PDE12: variants seen among roughly 807,000 people sequenced by gnomAD.
PDE12 encodes phosphodiesterase 12, also known as 2',5'-phosphodiesterase 12.
In PDE12, 26 loss-of-function variants were observed where a neutral mutation model predicts 45.4. That is an observed-to-expected ratio of 0.57 (90% CI 0.42 to 0.79). The LOEUF is 0.79. Ranked by LOEUF, PDE12 falls within the 30% of genes least tolerant of loss-of-function variation. PDE12 has a pLI of 0.00. For synonymous variants in PDE12, 283 were observed against 323.9 expected, an observed-to-expected ratio of 0.87 and a Z score of 1.36; for missense variants, 668 against 790.0, an observed-to-expected ratio of 0.85 and a Z score of 1.85.
chr3:57,655,296 G>A, the PDE12 span, among the ~76,000 whole-genome samples: 1 of 152,204 alleles, frequency 6.6e-6, no homozygotes, highest in Non-Finnish European at 1.5e-5. Context: ...GCCTCCCAAA[G>A]TGCTGGGATT....
chr3:57,614,944 G>A, the PDE12 span, among the ~76,000 whole-genome samples: 1 of 150,988 alleles, frequency 6.6e-6, no homozygotes, highest in African/African-American at 2.4e-5. Flanking sequence ...AGTGAGCCGA[G>A]ATCGTGCCAC....
chr3:57,614,524 T>TG, the PDE12 span, among the ~76,000 whole-genome samples: 23 of 95,988 alleles, frequency 2.4e-4, no homozygotes, highest in African/African-American at 7.6e-4. Flanking sequence ...CTGTAATCCG[T>TG]TTTTTTTTTT....
chr3:57,652,949 T>C, the PDE12 span, among the ~76,000 whole-genome samples: 4 of 152,232 alleles, frequency 2.6e-5, no homozygotes, highest in Admixed American at 6.5e-5. Flanking sequence ...CTAGACATTA[T>C]TGTAACAACT....
At chr3:57,626,265 G>C in the PDE12 span, 2 of 152,568 alleles carry the variant, frequency 1.3e-5, no homozygotes, top group African/African-American at 2.4e-5. Context: ...TCTTGGGTCA[G>C]GAATGCCCTT....
chr3:57,594,600 T>A, the PDE12 span, among the ~76,000 whole-genome samples: 1 of 152,234 alleles, frequency 6.6e-6, no homozygotes, highest in African/African-American at 2.4e-5. Context: ...GGTGTACGAA[T>A]TAAATTTAAA....
chr3:57,623,615 G>C, the PDE12 span, among the ~76,000 whole-genome samples: 1 of 152,210 alleles, frequency 6.6e-6, no homozygotes, highest in African/African-American at 2.4e-5. Flanking sequence ...GGAGGTGGAG[G>C]TTGCAGTGAG....
the PDE12 span, among the ~76,000 whole-genome samples, chr3:57,625,274 C>G: frequency 6.6e-6 from 1 of 152,166 alleles, no homozygotes; most frequent in Non-Finnish European, 1.5e-5. Context: ...CTTAACTGAT[C>G]TGTCTAAACA....
the PDE12 span, among the ~76,000 whole-genome samples, chr3:57,637,379 A>G: frequency 1.3e-5 from 2 of 152,230 alleles, no homozygotes; most frequent in African/African-American, 4.8e-5. Flanking sequence ...ATCCCTTTAT[A>G]TCAGGAGGAA....
At chr3:57,630,630 A>G in the PDE12 span, 1 of 1,535,924 alleles carries the variant, frequency 6.5e-7, no homozygotes, top group South Asian at 1.2e-5. Flanking sequence ...GAATTTTTTA[A>G]AAAGAATAAG....
chr3:57,628,566 A>G, the PDE12 span, among the ~76,000 whole-genome samples: 4 of 152,218 alleles, frequency 2.6e-5, no homozygotes, highest in Non-Finnish European at 5.9e-5. Flanking sequence ...ACCTAGAAAT[A>G]TAAGTGACAA....
chr3:57,562,370 T>C lies in PDE12; in HGVS notation c.*2366T>C, dbSNP rs559672053. On this transcript the variant is annotated 3_prime_UTR_variant, in exon 3 of 3. Transcript: ENST00000311180. ...CACATTATTAGGACATGGAATGTTA[T>C]TGTGAAGTGCCATATACTGTGATCA... The C allele has an allele frequency of 2.0e-4, 31 of 152,552 alleles. No homozygotes were observed. The highest frequency in any genetic ancestry group is 4.4e-4 in the Non-Finnish European group (30 of 68,356). The allele number at this position is 152,552 out of a possible 1,614,324, so 9.4% of individuals were successfully genotyped here.
the PDE12 span, among the ~76,000 whole-genome samples, chr3:57,577,856 C>A: frequency 6.6e-6 from 1 of 152,012 alleles, no homozygotes; most frequent in Non-Finnish European, 1.5e-5. Context: ...GAGTTTGAGA[C>A]CAGCCTGGGC....
the PDE12 span, among the ~76,000 whole-genome samples, chr3:57,573,045 A>C: frequency 6.6e-6 from 1 of 151,920 alleles, no homozygotes; most frequent in South Asian, 2.1e-4. Context: ...TACTAAAAAT[A>C]CAAAAAATTA....
At chr3:57,603,072 C>T in the PDE12 span, among the ~76,000 whole-genome samples, 1 of 151,620 alleles carries the variant, frequency 6.6e-6, no homozygotes, top group African/African-American at 2.4e-5. Flanking sequence ...CAGGCTGAGG[C>T]AGGAGAATTG....
At chr3:57,605,640 C>T in the PDE12 span, among the ~76,000 whole-genome samples, 58,660 of 151,936 alleles carry the variant, frequency 0.39, 12,671 homozygotes, top group South Asian at 0.55. Context: ...TAAAGTAAAA[C>T]GAAAATACAC....
chr3:57,565,770 TC>T lies in PDE12; in HGVS notation c.*5768del. ...GTGAGCCGAGATCACGCCATTGCACTCCAGCCTGGCAACAAAGCGGGACTCT... is the reference window on the plus strand; with the variant it reads ...GTGAGCCGAGATCACGCCATTGCACTCAGCCTGGCAACAAAGCGGGACTCT... On this transcript the variant is annotated 3_prime_UTR_variant, in exon 3 of 3. Coordinates refer to ENST00000311180, the MANE Select transcript of PDE12 (RefSeq NM_177966.7). 1 of 152,440 alleles carries T rather than the reference TC, an allele frequency of 6.6e-6. No individual in the cohort carries two copies. The highest frequency in any genetic ancestry group is 1.9e-4 in the East Asian group (1 of 5,192). The allele number at this position is 152,440 out of a possible 1,614,324, so 9.4% of individuals were successfully genotyped here.
At chr3:57,574,382 T>C in the PDE12 span, among the ~76,000 whole-genome samples, 1 of 151,484 alleles carries the variant, frequency 6.6e-6, no homozygotes, top group Admixed American at 6.6e-5. Flanking sequence ...CACTGATCAA[T>C]GATAAGCAAT....
chr3:57,579,445 ACCT>A, the PDE12 span, among the ~76,000 whole-genome samples: 12 of 151,564 alleles, frequency 7.9e-5, no homozygotes, highest in Admixed American at 5.3e-4. Flanking sequence ...CCACCATTAC[ACCT>A]GGCTAATTTT....
chr3:57,631,633 C>T, the PDE12 span, among the ~76,000 whole-genome samples: 4 of 151,238 alleles, frequency 2.6e-5, no homozygotes, highest in Non-Finnish European at 5.9e-5. Context: ...GAAACTGAGG[C>T]TTCTTCAAAA....
Sources: allele counts gnomAD v4.1 joint callset (sites outside exome capture counted in the v4.1 genomes callset), GRCh38; gene constraint gnomAD v4.1.1; transcripts MANE v1.5; gene names NCBI Gene and HGNC (gene_info 2026-07-23, HGNC 2026-07-21).